Variants in CDH4 observed in about 807,000 individuals in gnomAD.
CDH4 encodes cadherin 4, also known as cadherin-4.
A neutral mutation model predicts 86.0 loss-of-function variants in CDH4; 33 were observed. The ratio of observed to expected loss-of-function variants is 0.38; its 90% CI spans 0.29 to 0.51. The LOEUF is 0.51. CDH4 is among the 20% of genes least tolerant of loss of function. CDH4 has a pLI of 0.86. For missense variants in CDH4, 1,114 were observed against 1,307.4 expected, an observed-to-expected ratio of 0.85 and a Z score of 2.28; for synonymous variants, 555 against 549.4, an observed-to-expected ratio of 1.01 and a Z score of -0.14.
intron 2 of CDH4, among the ~76,000 whole-genome samples, chr20:61,725,048 A>AT (rs2088093873): frequency 6.6e-6 from 1 of 152,178 alleles, no homozygotes; most frequent in South Asian, 2.1e-4. Context: ...GGAGTTCAAG[A>AT]TGGTACTGAG....
intron 2 of CDH4, among the ~76,000 whole-genome samples, chr20:61,419,199 G>A (rs975093678): frequency 1.3e-5 from 2 of 152,134 alleles, no homozygotes; most frequent in Non-Finnish European, 1.5e-5. Context: ...TCCTGAGCCC[G>A]AGATCACTCG....
chr20:61,741,325 A>G (rs2088330710), intron 2 of CDH4, among the ~76,000 whole-genome samples: 1 of 152,158 alleles, frequency 6.6e-6, no homozygotes, highest in Non-Finnish European at 1.5e-5. Context: ...CGCTGTCATC[A>G]GTTTCATCCA....
At chr20:61,306,018 A>G (rs1471477982) in intron 2 of CDH4, among the ~76,000 whole-genome samples, 1 of 152,186 alleles carries the variant, frequency 6.6e-6, no homozygotes, top group Non-Finnish European at 1.5e-5. Flanking sequence ...CTTATGGCAC[A>G]GCCAGGCCCT....
intron 4 of CDH4, among the ~76,000 whole-genome samples, chr20:61,805,608 G>T (rs539578178): frequency 6.6e-6 from 1 of 152,356 alleles, no homozygotes; most frequent in East Asian, 1.9e-4. Flanking sequence ...CCCACCCCAG[G>T]TCAGAATCAC....
At chr20:61,890,344 G>A (rs372502381) in intron 7 of CDH4, among the ~76,000 whole-genome samples, 9 of 151,558 alleles carry the variant, frequency 5.9e-5, no homozygotes, top group Middle Eastern at 3.4e-3. Context: ...TGAGTGAATG[G>A]ATGTATGGAT....
At chr20:61,694,592 C>T (rs1352838017) in intron 2 of CDH4, among the ~76,000 whole-genome samples, 1 of 152,184 alleles carries the variant, frequency 6.6e-6, no homozygotes, top group African/African-American at 2.4e-5. Flanking sequence ...AGATAATGAG[C>T]ACACTTGGAG....
intron 2 of CDH4, among the ~76,000 whole-genome samples, chr20:61,335,750 A>G (rs1298233447): frequency 6.6e-6 from 1 of 152,136 alleles, no homozygotes; most frequent in Non-Finnish European, 1.5e-5. Context: ...CCGAAGGCTC[A>G]GGGTGTGGTT....
chr20:61,585,925 T>TGGTGATGGTGATGAGGTGGTGATGAGGAG (rs1373762772), intron 2 of CDH4, among the ~76,000 whole-genome samples: 4 of 150,498 alleles, frequency 2.7e-5, no homozygotes, highest in African/African-American at 9.8e-5. Context: ...CGGAGGATGA[T>TGGTGATGGTGATGAGGTGGTGATGAGGAG]GGTGATGGTG....
At chr20:61,634,575 C>T (rs1600825806) in intron 2 of CDH4, among the ~76,000 whole-genome samples, 1 of 152,390 alleles carries the variant, frequency 6.6e-6, no homozygotes, top group East Asian at 1.9e-4. Context: ...CTGTGGCCTC[C>T]TGTGCCCATC....
rs980964013 is a variant in CDH4, at chr20:61,269,171, A to G, written c.169+14234A>G. On this transcript the variant is annotated intron_variant, in intron 2 of 15. Coordinates refer to ENST00000614565, the MANE Select transcript of CDH4 (RefSeq NM_001794.5). This position sits in a 1 kb window ranked among gnomAD's most constrained non-coding sequence, Gnocchi z 5.3. ...CACCGTACCAGCTGGGTTCATCTGC[A>G]TGACCACCCTAGGCAGGAGGCATGT... Among the ~76,000 whole-genome samples the G allele has an allele frequency of 4.6e-5, 7 of 152,158 alleles. No homozygotes were observed. The East Asian group carries it at 1.2e-3, about 25-fold the overall frequency.
At chr20:61,397,486 C>T (rs6061302) in intron 2 of CDH4, among the ~76,000 whole-genome samples, 22,470 of 152,024 alleles carry the variant, frequency 0.15, 2,034 homozygotes, top group East Asian at 0.39. Context: ...GCTTTCCCAA[C>T]GAGACCTAGA....
At chr20:61,593,652 A>AT (rs900606714) in intron 2 of CDH4, among the ~76,000 whole-genome samples, 2 of 152,094 alleles carry the variant, frequency 1.3e-5, no homozygotes, top group East Asian at 1.9e-4. Flanking sequence ...TGAATGGTGG[A>AT]TTTTTTTAAG....
In CDH4 at chr20:61,417,384, C is replaced by G. The variant is rs1426084534; in HGVS notation, c.169+162447C>G. On this transcript the variant is annotated intron_variant, in intron 2 of 15. Coordinates refer to ENST00000614565, the MANE Select transcript of CDH4 (RefSeq NM_001794.5). The surrounding 1 kb of genome is among the most constrained non-coding windows in gnomAD (Gnocchi z 4.0). The stretch of plus-strand genomic sequence containing the variant: ...CCTCCCTCTCCCTGTTACCAGCAAA[C>G]CTGCTGAGGTCACCTATTCCACCTT... 6.6e-6 allele frequency among the ~76,000 whole-genome samples: 1 copy of G among 152,094 alleles called. No individual in the cohort carries two copies. The highest frequency in any genetic ancestry group is 1.5e-5 in the Non-Finnish European group (1 of 68,018).
intron 2 of CDH4, among the ~76,000 whole-genome samples, chr20:61,318,632 A>C (rs1183275207): frequency 6.6e-6 from 1 of 152,226 alleles, no homozygotes; most frequent in Non-Finnish European, 1.5e-5. Flanking sequence ...GGAGCCTGGA[A>C]TCAGTGATAC....
chr20:61,573,008 G>T (rs796881853), intron 2 of CDH4, among the ~76,000 whole-genome samples: 3,576 of 143,424 alleles, frequency 0.025, 144 homozygotes, highest in African/African-American at 0.092. Context: ...ACGGATGGAT[G>T]GATTGATGGA....
chr20:61,365,321 C>T (rs2084805499), intron 2 of CDH4, among the ~76,000 whole-genome samples: 1 of 152,180 alleles, frequency 6.6e-6, no homozygotes, highest in Non-Finnish European at 1.5e-5. Flanking sequence ...CTTCGTGGGG[C>T]TTGGCTTCTC....
chr20:61,734,075 C>T (rs575729935), intron 2 of CDH4, among the ~76,000 whole-genome samples: 24 of 152,306 alleles, frequency 1.6e-4, no homozygotes, highest in African/African-American at 4.8e-4. Flanking sequence ...AGGGTTAACC[C>T]GGAAGCCTCC....
chr20:61,399,119 CTT>C (rs926368033), intron 2 of CDH4, among the ~76,000 whole-genome samples: 1 of 77,026 alleles, frequency 1.3e-5, no homozygotes, highest in Non-Finnish European at 2.4e-5. Flanking sequence ...GAAAAACCCA[CTT>C]TTTTTTTTTT....
intron 2 of CDH4, among the ~76,000 whole-genome samples, chr20:61,540,409 G>A (rs1282762154): frequency 6.6e-6 from 1 of 152,204 alleles, no homozygotes; most frequent in African/African-American, 2.4e-5. Context: ...GACCTCACAT[G>A]ATAGGAGGGA....
Sources: gnomAD v4.1 joint callset for allele counts (sites outside exome capture counted in the v4.1 genomes callset) on GRCh38, gnomAD v4.1.1 for gene constraint, Gnocchi (gnomAD v3.1) non-coding constraint, MANE v1.5 for transcripts, NCBI Gene and HGNC (gene_info 2026-07-23, HGNC 2026-07-21) for gene names.